MTOR: variants seen among roughly 807,000 people sequenced by gnomAD.
MTOR encodes the protein serine/threonine-protein kinase mTOR.
MTOR carries 70 observed loss-of-function variants against 319.8 expected under a neutral mutation model. The observed-to-expected ratio is 0.22, with a 90% CI of 0.18 to 0.27. The LOEUF (loss-of-function observed/expected upper bound fraction) is 0.27. MTOR is among the 10% of genes least tolerant of loss of function. The pLI is 1.00. For synonymous variants in MTOR, 1,183 were observed against 1,211.4 expected, an observed-to-expected ratio of 0.98 and a Z score of 0.49; for missense variants, 1,890 against 3,274.4, an observed-to-expected ratio of 0.58 and a Z score of 10.32.
At chr1:11,160,461 A>G (rs1410251111) in intron 29 of MTOR, among the ~76,000 whole-genome samples, 1 of 152,172 alleles carries the variant, frequency 6.6e-6, no homozygotes, top group African/African-American at 2.4e-5. Flanking sequence ...AATGAGGATT[A>G]ACTGTGGCCT....
intron 15 of MTOR, among the ~76,000 whole-genome samples, chr1:11,232,789 C>G (rs911313498): frequency 1.3e-5 from 2 of 152,144 alleles, no homozygotes; most frequent in Non-Finnish European, 2.9e-5. Flanking sequence ...GCACGAGAAT[C>G]ACTTGAACCC....
At chr1:11,192,128 C>T (rs992044604) in intron 28 of MTOR, 46 of 674,156 alleles carry the variant, frequency 6.8e-5, no homozygotes, top group Non-Finnish European at 1.1e-4. Flanking sequence ...TCCCCATATC[C>T]ACCTCTCCCA....
Position 11,133,297 on chromosome 1 carries a change from T to A in MTOR, c.5247-100A>T, listed in dbSNP as rs1643249686. On this transcript the variant is annotated intron_variant, in intron 37 of 57. Coordinates refer to ENST00000361445, the MANE Select transcript of MTOR (RefSeq NM_004958.4). This position sits in a 1 kb window ranked among gnomAD's most constrained non-coding sequence, Gnocchi z 4.0. ...GGGGACACTGAAGCCCTTCTGGTATTTCCTCTTATTCTCAAGAGGCAATGT... is the reference window on the plus strand; with the variant it reads ...GGGGACACTGAAGCCCTTCTGGTATATCCTCTTATTCTCAAGAGGCAATGT... 2.9e-6 allele frequency: 3 copies of A among 1,031,776 alleles called. No individual in the cohort carries two copies. Among genetic ancestry groups the A allele is most frequent in the Admixed American group, 3.9e-5 (2 of 51,026 alleles). The allele number at this position is 1,031,776 out of a possible 1,614,324, so 63.9% of individuals were successfully genotyped here.
chr1:11,128,510 A>G lies in MTOR; in HGVS notation c.5854T>C (p.Leu1952=), dbSNP rs1223664052. Residue 1952 remains leucine, a synonymous_variant, in exon 42 of 58, where the codon TTG becomes CTG. Transcript: ENST00000361445. This position sits in a 1 kb window ranked among gnomAD's most constrained non-coding sequence, Gnocchi z 5.3. ...AGCTGGTGAATGAGACGTCCCACCA[A>G]GGGTCTGGGCGTATCAATTCTTGCA... The part of the protein sequence containing the change: ...LIARIDTPRP[L]VGRLIHQLLT... The G allele has an allele frequency of 1.2e-6, 2 of 1,614,218 alleles. No homozygotes were observed. The highest frequency in any genetic ancestry group is 3.3e-5 in the Admixed American group (2 of 60,030).
In MTOR at chr1:11,150,047, C is replaced by T. The variant is rs3730385; in HGVS notation, c.4570+79G>A. On this transcript the variant is annotated intron_variant, in intron 31 of 57. Transcript: ENST00000361445. ...ATAGACCTGGATCTCCACCTAGAGC[C>T]AGCACCTTACTCTTCTGATGCGAGC... 16,004 of 1,292,318 alleles carry T rather than the reference C, an allele frequency of 0.012. 566 individuals carry two copies. Among genetic ancestry groups the T allele is most frequent in the African/African-American group, 0.068 (4,648 of 68,442 alleles). The allele number at this position is 1,292,318 out of a possible 1,614,324, so 80.1% of individuals were successfully genotyped here.
chr1:11,166,845 C>G (rs1166941526), intron 29 of MTOR, among the ~76,000 whole-genome samples: 1 of 152,134 alleles, frequency 6.6e-6, no homozygotes, highest in Non-Finnish European at 1.5e-5. Context: ...GGAACCAACC[C>G]AAATGTCCAT....
At chr1:11,194,861 C>T in intron 28 of MTOR, 1 of 1,614,014 alleles carries the variant, frequency 6.2e-7, no homozygotes, top group Non-Finnish European at 8.5e-7. Context: ...CAGGTGGCTA[C>T]TGGTACAACT....
At chr1:11,241,761 G>A in intron 9 of MTOR, 80 bp from the exon 10 acceptor site, 1 of 1,537,782 alleles carries the variant, frequency 6.5e-7, no homozygotes, top group Non-Finnish European at 8.8e-7. Context: ...TTGGGGCAAG[G>A]AGAGCAGGTT....
At chr1:11,117,148 C>G in intron 49 of MTOR, 62 bp from the exon 50 acceptor site, 1 of 1,292,486 alleles carries the variant, frequency 7.7e-7, no homozygotes, top group Non-Finnish European at 1.1e-6. Flanking sequence ...CATAATTATA[C>G]TCTAATAAGC....
chr1:11,212,811 G>T lies in MTOR; in HGVS notation c.3383C>A (p.Pro1128Gln). The T allele has an allele frequency of 6.2e-7, 1 of 1,613,688 alleles. No individual in the cohort carries two copies. The change falls in exon 22 of 58, where the codon CCA becomes CAA. Residue 1128 changes from proline to glutamine, a missense_variant. Physicochemically the swap from Pro to Gln is moderately conservative, Grantham distance 76 (BLOSUM62 -1). This residue lies in a region of MTOR where 377 missense variants were observed against 653.9 expected (regional missense o/e 0.58). Transcript: ENST00000361445. This position sits in a 1 kb window ranked among gnomAD's most constrained non-coding sequence, Gnocchi z 4.1. Reference sequence around the variant, plus strand: ...AGGTGCTCACTTTCGAGATGGCAGTGGAGCTTCAGGGGCATCAAACAACTT... The same window carrying T: ...AGGTGCTCACTTTCGAGATGGCAGTTGAGCTTCAGGGGCATCAAACAACTT... ...IVKLFDAPEA[P>Q]LPSRKAALET...
In MTOR at chr1:11,243,466, A is replaced by G. The variant is rs570937655; in HGVS notation, c.1226-166T>C. ...CAACACTTTGGGAGGCCAAGGAGAGAGGAGTGTTTGAGGCCAGGAGTTCGA... is the reference window on the plus strand; with the variant it reads ...CAACACTTTGGGAGGCCAAGGAGAGGGGAGTGTTTGAGGCCAGGAGTTCGA... On this transcript the variant is annotated intron_variant, in intron 8 of 57. Transcript: ENST00000361445. Among the ~76,000 whole-genome samples the G allele has an allele frequency of 5.7e-4, 86 of 152,054 alleles. 1 individual carries two copies. The highest frequency in any genetic ancestry group is 2.0e-3 in the African/African-American group (83 of 41,492).
At chr1:11,183,392 C>T (rs1299834453) in intron 28 of MTOR, among the ~76,000 whole-genome samples, 2 of 152,238 alleles carry the variant, frequency 1.3e-5, no homozygotes, top group South Asian at 4.1e-4. Flanking sequence ...CTCAACCTCC[C>T]GAGTAGCTCA....
At chr1:11,233,226 A>G in intron 15 of MTOR, 172 bp downstream of exon 15, 1 of 818,348 alleles carries the variant, frequency 1.2e-6, no homozygotes, top group Non-Finnish European at 2.0e-6. Context: ...GACATGTTTT[A>G]TTGAGAATAT....
rs2100854864 is a variant in MTOR at position 11,228,726 on chromosome 1, G to C, written c.2972C>G (p.Pro991Arg). The change falls in exon 19 of 58, where the codon CCC becomes CGC. Residue 991 changes from proline to arginine, a missense_variant. Transcript: ENST00000361445. Reference protein sequence around the residue: ...SLGLKCVQFLPQVMPTFLNVI... With the variant: ...SLGLKCVQFLRQVMPTFLNVI... ...GTTAAGGAACGTGGGCATGACCTGG[G>C]GCAGGAACTGCACACATTTGAGTCC... 6.2e-7 allele frequency: 1 copy of C among 1,614,064 alleles called. No homozygotes were observed. The highest frequency in any genetic ancestry group is 2.2e-5 in the East Asian group (1 of 44,884).
chr1:11,224,732 A>C (rs796308866), intron 19 of MTOR, among the ~76,000 whole-genome samples: 1 of 152,220 alleles, frequency 6.6e-6, no homozygotes, highest in Non-Finnish European at 1.5e-5. Context: ...GTTAGAAATC[A>C]ATATAAAAAA....
intron 28 of MTOR, chr1:11,189,843 C>G: frequency 6.2e-7 from 1 of 1,614,224 alleles, no homozygotes; most frequent in Non-Finnish European, 8.5e-7. Flanking sequence ...AGAGCAACAG[C>G]AAGCGCATGG....
chr1:11,147,477 C>G (rs777417287), intron 31 of MTOR, among the ~76,000 whole-genome samples: 1 of 152,226 alleles, frequency 6.6e-6, no homozygotes, highest in Admixed American at 6.5e-5. Context: ...CCAAGACCAT[C>G]TGCAGAAAAG....
intron 46 of MTOR, among the ~76,000 whole-genome samples, chr1:11,125,385 A>T (rs142706375): frequency 3.5e-4 from 54 of 152,282 alleles, no homozygotes; most frequent in African/African-American, 1.3e-3. Flanking sequence ...ACCATGATTA[A>T]TTGGTGTTGG....
intron 36 of MTOR, among the ~76,000 whole-genome samples, chr1:11,136,754 C>T (rs926836376): frequency 1.3e-5 from 2 of 151,726 alleles, no homozygotes; most frequent in Non-Finnish European, 2.9e-5. Context: ...CCTCCCACCA[C>T]GGCCTCCCAA....
Sources: gnomAD v4.1 joint callset for allele counts (sites outside exome capture counted in the v4.1 genomes callset) on GRCh38, gnomAD v4.1.1 for gene constraint, gnomAD v4.1.1 regional missense constraint, Gnocchi (gnomAD v3.1) non-coding constraint, MANE v1.5 for transcripts, NCBI Gene and HGNC (gene_info 2026-07-23, HGNC 2026-07-21) for gene names.